The following PPP1R9A variants were observed in gnomAD, a reference collection of about 807,000 sequenced individuals.
The protein encoded by PPP1R9A is protein phosphatase 1 regulatory subunit 9A.
Under a neutral mutation model 141.9 loss-of-function variants are expected in PPP1R9A, and 59 were observed. The observed-to-expected ratio is 0.42, with a 90% CI of 0.34 to 0.52. The LOEUF (loss-of-function observed/expected upper bound fraction) is 0.52. PPP1R9A is among the 20% of genes least tolerant of loss of function. The pLI is 0.10. For missense variants in PPP1R9A, 1,444 were observed against 1,611.9 expected (o/e 0.90, Z 1.78); for synonymous variants, 500 against 569.7 (o/e 0.88, Z 1.74).
Position 95,120,768 on chromosome 7 carries a change from C to T in PPP1R9A, c.1585C>T (p.Leu529Phe). The T allele has an allele frequency of 6.2e-7, 1 of 1,613,968 alleles. No homozygotes were observed. The highest frequency in any genetic ancestry group is 8.5e-7 in the Non-Finnish European group (1 of 1,179,940). Residue 529 changes from leucine (L) to phenylalanine (F), a missense_variant, in exon 4 of 20, where the codon CTT becomes TTT. By Grantham distance (22) the Leu-to-Phe change is conservative. Transcript: ENST00000433360. ...IGMGVGADAG[L>F]EKLGIFVKTV... ...AATGGGTGTTGGAGCAGATGCTGGA[C>T]TTGAAAAGCTGGGAATATTCGTCAA... is the stretch of plus-strand genomic sequence containing the variant.
In PPP1R9A at chr7:95,015,107, T is replaced by C. The variant is rs556895500; in HGVS notation, c.1396-96152T>C. Among the ~76,000 whole-genome samples the C allele has an allele frequency of 9.2e-5, 14 of 152,152 alleles. No homozygotes were observed. The East Asian group carries it at 2.7e-3, about 29-fold the overall frequency. On this transcript the variant is annotated intron_variant, in intron 2 of 19. Transcript: ENST00000433360. The stretch of plus-strand genomic sequence containing the variant: ...AGCTATAGTTTCTTTTATTTGAATA[T>C]AATTTTTAGAAACCAGGACCTGGGC...
chr7:94,937,700 A>G (rs1308261487), intron 2 of PPP1R9A, among the ~76,000 whole-genome samples: 5 of 152,144 alleles, frequency 3.3e-5, no homozygotes, highest in Non-Finnish European at 7.4e-5. Flanking sequence ...CCTTTATGTA[A>G]TCAGCATTGT....
intron 2 of PPP1R9A, among the ~76,000 whole-genome samples, chr7:95,062,178 T>C (rs1381930617): frequency 6.6e-6 from 1 of 151,936 alleles, no homozygotes; most frequent in African/African-American, 2.4e-5. Flanking sequence ...CCCTTGAGGG[T>C]GAGTGGAGCA....
chr7:95,064,723 G>A (rs532820056), intron 2 of PPP1R9A, among the ~76,000 whole-genome samples: 24 of 152,214 alleles, frequency 1.6e-4, no homozygotes, highest in African/African-American at 4.1e-4. Context: ...TGAAATCCAC[G>A]AATAATGAGA....
At chr7:95,127,183 AT>A (rs1288360368) in intron 4 of PPP1R9A, among the ~76,000 whole-genome samples, 1 of 151,878 alleles carries the variant, frequency 6.6e-6, no homozygotes, top group Admixed American at 6.6e-5. Context: ...TTATTTCCTC[AT>A]TTTTTTAATT....
At chr7:95,146,793 G>T (rs940384942) in intron 4 of PPP1R9A, among the ~76,000 whole-genome samples, 7 of 152,178 alleles carry the variant, frequency 4.6e-5, no homozygotes, top group African/African-American at 1.4e-4. Flanking sequence ...GTTTGTCAAA[G>T]ATCAGATGGT....
chr7:95,162,950 A>G (rs2152717266), intron 5 of PPP1R9A, among the ~76,000 whole-genome samples: 1 of 152,294 alleles, frequency 6.6e-6, no homozygotes, highest in Middle Eastern at 3.4e-3. Flanking sequence ...TAGAATATCC[A>G]CAGTCCTGAG....
intron 16 of PPP1R9A, among the ~76,000 whole-genome samples, chr7:95,277,759 A>G (rs187436140): frequency 6.6e-6 from 1 of 152,374 alleles, no homozygotes; most frequent in East Asian, 1.9e-4. Context: ...AGCATAGCAG[A>G]TAACAAAAGC....
chr7:95,227,967 T>C (rs2152956944), intron 8 of PPP1R9A, among the ~76,000 whole-genome samples: 1 of 152,356 alleles, frequency 6.6e-6, no homozygotes, highest in South Asian at 2.1e-4. Context: ...TTGTGACATT[T>C]GTATCTTGTA....
intron 2 of PPP1R9A, among the ~76,000 whole-genome samples, chr7:95,062,124 C>G (rs1812321290): frequency 6.6e-6 from 1 of 152,154 alleles, no homozygotes; most frequent in African/African-American, 2.4e-5. Flanking sequence ...GACTCCTCTG[C>G]ACAGCTGGCA....
Position 95,273,997 on chromosome 7 carries a change from C to G in PPP1R9A, c.3212+11C>G, listed in dbSNP as rs763063940. 18 of 1,502,128 alleles carry G rather than the reference C, an allele frequency of 1.2e-5. No individual in the cohort carries two copies. The Middle Eastern group carries it at 6.8e-4, about 57-fold the overall frequency. 93.0% of individuals were successfully genotyped at this position (1,502,128 alleles called of 1,614,324 possible). A position where few individuals can be genotyped will look rare whatever the true frequency, so the allele number is the denominator to read the frequency against. ...GTTTGTGGATCTGGGGTAAGCACTT[C>G]ACGATGTAAAAAGAAAGCCCTCTGT... On this transcript the variant is annotated intron_variant, in intron 15 of 19. Transcript: ENST00000433360.
At chr7:95,246,581 T>G (rs1231018608) in intron 8 of PPP1R9A, among the ~76,000 whole-genome samples, 1 of 152,162 alleles carries the variant, frequency 6.6e-6, no homozygotes, top group Non-Finnish European at 1.5e-5. Flanking sequence ...CTGCTGTGGA[T>G]AATAAGCAAT....
intron 2 of PPP1R9A, among the ~76,000 whole-genome samples, chr7:95,077,695 T>C (rs570423745): frequency 5.3e-5 from 8 of 152,268 alleles, no homozygotes; most frequent in African/African-American, 1.9e-4. Flanking sequence ...TAAGAAATAA[T>C]GGTAAATCTC....
chr7:95,207,255 A>G (rs1189472620), intron 7 of PPP1R9A, among the ~76,000 whole-genome samples: 2 of 152,148 alleles, frequency 1.3e-5, no homozygotes, highest in East Asian at 3.9e-4. Context: ...GAAAATAAAT[A>G]TAAGGTCAAA....
At chr7:94,972,491 A>G (rs1212134460) in intron 2 of PPP1R9A, among the ~76,000 whole-genome samples, 1 of 151,426 alleles carries the variant, frequency 6.6e-6, no homozygotes, top group Non-Finnish European at 1.5e-5. Flanking sequence ...CTCAGCTGGT[A>G]TGATGGTTCT....
chr7:95,169,375 G>C (rs1047267185), intron 5 of PPP1R9A, among the ~76,000 whole-genome samples: 26 of 152,036 alleles, frequency 1.7e-4, no homozygotes, highest in African/African-American at 5.8e-4. Context: ...ATAGTTACCA[G>C]AGGCTGGGAA....
At chr7:95,109,651 G>A (rs1348127384) in intron 2 of PPP1R9A, among the ~76,000 whole-genome samples, 1 of 152,028 alleles carries the variant, frequency 6.6e-6, no homozygotes, top group African/African-American at 2.4e-5. Context: ...GACCAGCATG[G>A]GCAATATAGT....
chr7:94,986,516 G>T (rs566834227), intron 2 of PPP1R9A, among the ~76,000 whole-genome samples: 2 of 152,228 alleles, frequency 1.3e-5, no homozygotes, highest in South Asian at 4.1e-4. Context: ...CAAAATTATA[G>T]CTAGAAGAGA....
chr7:95,056,531 T>C (rs1417618995), intron 2 of PPP1R9A, among the ~76,000 whole-genome samples: 1 of 152,130 alleles, frequency 6.6e-6, no homozygotes, highest in Non-Finnish European at 1.5e-5. Context: ...TTAACCATGG[T>C]AATCTTATGG....
Sources: gnomAD v4.1 joint callset for allele counts (sites outside exome capture counted in the v4.1 genomes callset) on GRCh38, gnomAD v4.1.1 for gene constraint, MANE v1.5 for transcripts, NCBI Gene and HGNC (gene_info 2026-07-23, HGNC 2026-07-21) for gene names.